Variants in VWA3B observed in about 807,000 individuals in gnomAD.
VWA3B encodes von Willebrand factor A domain containing 3B, also known as von Willebrand factor A domain-containing protein 3B.
In VWA3B, 138 loss-of-function variants were observed where a neutral mutation model predicts 158.3. That is an observed-to-expected ratio of 0.87 (90% CI 0.76 to 1.00). The LOEUF (loss-of-function observed/expected upper bound fraction) is 1.00. Among genes scored for constraint, VWA3B ranks in the 50% least tolerant of loss-of-function variants. The pLI, the probability that VWA3B is intolerant of heterozygous loss-of-function variation, is 0.00. For missense variants in VWA3B, 1,555 were observed against 1,565.1 expected (o/e 0.99, Z 0.11); for synonymous variants, 596 against 587.3 (o/e 1.01, Z -0.21).
intron 13 of VWA3B, 31 bp downstream of exon 13, chr2:98,212,059 C>T (rs1380957024): frequency 5.7e-6 from 9 of 1,587,716 alleles, no homozygotes; most frequent in Non-Finnish European, 7.8e-6. Context: ...CAAAGAGGGC[C>T]TCACTGATGC....
At chr2:98,288,663 T>C (rs188906948) in intron 22 of VWA3B, among the ~76,000 whole-genome samples, 2 of 152,218 alleles carry the variant, frequency 1.3e-5, no homozygotes, top group African/African-American at 4.8e-5. Flanking sequence ...TTTAAACTTT[T>C]AATTCCACTC....
At position 98,194,505 on chromosome 2, in the gene VWA3B, C is replaced by T. The variant is rs545380133; in HGVS notation, c.1737+13C>T. 78 of 1,612,828 alleles carry T rather than the reference C, an allele frequency of 4.8e-5. 1 individual carries two copies. In the South Asian group the frequency reaches 7.7e-4, roughly 16 times the overall value. ...TAGAGACATAAAGGTAAGTTGGAGA[C>T]TAAGCTGGGAGAAGCATCCTAGGAG... On this transcript the variant is annotated intron_variant, in intron 12 of 27. Coordinates refer to ENST00000477737, the MANE Select transcript of VWA3B (RefSeq NM_144992.5).
chr2:98,181,441 A>C (rs1005629398), intron 9 of VWA3B, among the ~76,000 whole-genome samples: 2 of 152,238 alleles, frequency 1.3e-5, no homozygotes, highest in African/African-American at 4.8e-5. Context: ...TGAGTTGTAC[A>C]TAAGCCAGGG....
At chr2:98,120,933 A>G (rs1003891629) in intron 4 of VWA3B, among the ~76,000 whole-genome samples, 2 of 152,226 alleles carry the variant, frequency 1.3e-5, no homozygotes, top group African/African-American at 4.8e-5. Context: ...AAACCTTAAT[A>G]CTGTGAATTA....
intron 14 of VWA3B, among the ~76,000 whole-genome samples, chr2:98,220,058 G>A (rs1206690516): frequency 6.6e-6 from 1 of 151,546 alleles, no homozygotes; most frequent in Non-Finnish European, 1.5e-5. Context: ...AGCTACTTTG[G>A]GGGGCTAAAG....
chr2:98,105,771 T>C (rs1260526069), intron 2 of VWA3B, among the ~76,000 whole-genome samples: 1 of 151,966 alleles, frequency 6.6e-6, no homozygotes, highest in East Asian at 1.9e-4. Context: ...TTCATTTTTT[T>C]TTTACTATGG....
At chr2:98,281,455 A>C (rs62157917) in intron 22 of VWA3B, among the ~76,000 whole-genome samples, 1 of 152,194 alleles carries the variant, frequency 6.6e-6, no homozygotes, top group Non-Finnish European at 1.5e-5. Flanking sequence ...TACGACAATT[A>C]GGGGATTGTA....
At chr2:98,103,729 G>A (rs1263323862) in intron 2 of VWA3B, among the ~76,000 whole-genome samples, 2 of 152,164 alleles carry the variant, frequency 1.3e-5, no homozygotes, top group Non-Finnish European at 2.9e-5. Context: ...CTTGAAAAGA[G>A]TGTGCATTCC....
At chr2:98,213,303 G>A (rs1174018860) in intron 13 of VWA3B, among the ~76,000 whole-genome samples, 1 of 152,170 alleles carries the variant, frequency 6.6e-6, no homozygotes, top group East Asian at 1.9e-4. Flanking sequence ...GAAGGGTGGT[G>A]TCACCACAGA....
chr2:98,309,296 C>G (rs1690736702), intron 26 of VWA3B, among the ~76,000 whole-genome samples: 1 of 152,192 alleles, frequency 6.6e-6, no homozygotes, highest in African/African-American at 2.4e-5. Context: ...CCTCTGTGCT[C>G]CAGGGAAACA....
chr2:98,143,197 G>A (rs988684037), intron 7 of VWA3B, among the ~76,000 whole-genome samples: 47 of 152,048 alleles, frequency 3.1e-4, no homozygotes, highest in African/African-American at 1.1e-3. Flanking sequence ...CTGCCATCAC[G>A]CCAGGCTAAC....
rs372490843 is a variant in VWA3B at position 98,231,420 on chromosome 2, G to A, written c.2308+1213G>A. Among the ~76,000 whole-genome samples the A allele has an allele frequency of 2.6e-5, 4 of 152,288 alleles. No homozygotes were observed. In the South Asian group the frequency reaches 8.3e-4, roughly 32 times the overall value. ...ATCAAGACGGTGTGGTATTAGCAGAGGGATAGGTGGAATAGGACCTAGATT... is the reference window on the plus strand; with the variant it reads ...ATCAAGACGGTGTGGTATTAGCAGAAGGATAGGTGGAATAGGACCTAGATT... On this transcript the variant is annotated intron_variant, in intron 16 of 27. Coordinates refer to ENST00000477737, the MANE Select transcript of VWA3B (RefSeq NM_144992.5).
At chr2:98,117,748 CTTTT>C (rs35080840) in intron 3 of VWA3B, among the ~76,000 whole-genome samples, 9 of 119,464 alleles carry the variant, frequency 7.5e-5, no homozygotes, top group African/African-American at 6.9e-5. Context: ...CTTAAATTAC[CTTTT>C]TTTTTTTTTT....
Position 98,125,667 on chromosome 2 carries a change from TTC to T in VWA3B, c.703-2570_703-2569del, listed in dbSNP as rs1675293605. ...ATTTATCCTCCTTTCTGTTTTTCTTTTCTTTCTTTTTTTTTGAAACCGAGTCT... is the reference window on the plus strand; with the variant it reads ...ATTTATCCTCCTTTCTGTTTTTCTTTTTTCTTTTTTTTTGAAACCGAGTCT... On this transcript the variant is annotated intron_variant, in intron 5 of 27. Transcript: ENST00000477737. The surrounding 1 kb of genome is among the most constrained non-coding windows in gnomAD (Gnocchi z 4.1). Among the ~76,000 whole-genome samples the T allele has an allele frequency of 6.6e-6, 1 of 152,194 alleles. No homozygotes were observed. Among genetic ancestry groups the T allele is most frequent in the African/African-American group, 2.4e-5 (1 of 41,444 alleles).
intron 9 of VWA3B, among the ~76,000 whole-genome samples, chr2:98,185,380 A>G (rs981663475): frequency 3.9e-5 from 6 of 152,212 alleles, no homozygotes; most frequent in South Asian, 2.1e-4. Context: ...GCTAATGCCA[A>G]CTTTCCGTCT....
intron 5 of VWA3B, among the ~76,000 whole-genome samples, chr2:98,126,588 A>C (rs1675381004): frequency 6.6e-6 from 1 of 152,254 alleles, no homozygotes; most frequent in South Asian, 2.1e-4. Flanking sequence ...AACAGAACGC[A>C]TCTGCTGGAA....
intron 22 of VWA3B, among the ~76,000 whole-genome samples, chr2:98,288,400 A>G (rs1689290068): frequency 1.3e-5 from 2 of 152,126 alleles, no homozygotes; most frequent in Admixed American, 6.6e-5. Context: ...TACATCACTC[A>G]AGGTTTATAC....
At chr2:98,108,772 G>T (rs1457306821) in intron 2 of VWA3B, among the ~76,000 whole-genome samples, 3 of 151,120 alleles carry the variant, frequency 2.0e-5, no homozygotes, top group Middle Eastern at 3.4e-3. Flanking sequence ...GTATATTGTT[G>T]AGTCTTTTTA....
intron 7 of VWA3B, among the ~76,000 whole-genome samples, chr2:98,160,766 GGATTTTCAACATGGAGCTCAGGACACAT>G (rs1252338524): frequency 1.3e-5 from 2 of 152,172 alleles, no homozygotes; most frequent in Non-Finnish European, 2.9e-5. Context: ...TGTTATTTTT[GGATTTTCAACATGGAGCTCAGGACACAT>G]CAGATTTCAC....
Sources: gnomAD v4.1 joint callset for allele counts (sites outside exome capture counted in the v4.1 genomes callset) on GRCh38, gnomAD v4.1.1 for gene constraint, Gnocchi (gnomAD v3.1) non-coding constraint, MANE v1.5 for transcripts, NCBI Gene and HGNC (gene_info 2026-07-23, HGNC 2026-07-21) for gene names.